Variants in ANXA6 observed in about 807,000 individuals in gnomAD.
The protein encoded by ANXA6 is 67 kDa calelectrin.
Under a neutral mutation model 95.4 loss-of-function variants are expected in ANXA6, and 71 were observed. That is an observed-to-expected ratio of 0.74 (90% CI 0.61 to 0.91). The LOEUF (loss-of-function observed/expected upper bound fraction) is 0.91. Among genes scored for constraint, ANXA6 ranks in the 40% least tolerant of loss-of-function variants. The probability of loss-of-function intolerance (pLI) is 0.00; values close to 1 mark genes in which losing one functional copy is unlikely to be tolerated. For synonymous variants in ANXA6, 289 were observed against 315.9 expected, an observed-to-expected ratio of 0.91 and a Z score of 0.90; for missense variants, 830 against 876.4, an observed-to-expected ratio of 0.95 and a Z score of 0.67.
chr5:151,101,544 C>T, intron 25 of ANXA6, 37 bp from the exon 26 acceptor site: 1 of 1,541,002 alleles, frequency 6.5e-7, no homozygotes, highest in South Asian at 1.2e-5. Flanking sequence ...TGAAAACAGT[C>T]CTTCCAGTCT....
chr5:151,147,874 G>A lies in ANXA6; in HGVS notation c.18+10C>T, dbSNP rs1488720749. The stretch of plus-strand genomic sequence containing the variant: ...CTGAGTACCACCTTCAGGAAAGAGA[G>A]GCCCCTTACCTGTGCTGGTTTGGCC... On this transcript the variant is annotated intron_variant, in intron 2 of 25. Transcript: ENST00000354546. 3.8e-6 allele frequency: 6 copies of A among 1,599,314 alleles called. No homozygotes were observed. The highest frequency in any genetic ancestry group is 5.1e-6 in the Non-Finnish European group (6 of 1,172,940).
intron 25 of ANXA6, 115 bp downstream of exon 25, chr5:151,103,455 G>T: frequency 1.1e-6 from 1 of 948,236 alleles, no homozygotes; most frequent in Non-Finnish European, 1.5e-6. Flanking sequence ...CAATATCCTG[G>T]CTGTTCTAAG....
At chr5:151,117,977 A>C in intron 18 of ANXA6, 140 bp from the exon 19 acceptor site, 1 of 653,218 alleles carries the variant, frequency 1.5e-6, no homozygotes, top group Non-Finnish European at 2.7e-6. Flanking sequence ...TAACTGGCTC[A>C]TGGGGGCATC....
chr5:151,123,038 G>A (rs373959182), intron 15 of ANXA6, 27 bp from the exon 16 acceptor site: 11 of 1,592,320 alleles, frequency 6.9e-6, no homozygotes, highest in African/African-American at 1.3e-5. Context: ...ACATGCCTCA[G>A]AAGAAGGCCT....
chr5:151,118,474 C>T (rs1301979078), intron 18 of ANXA6, among the ~76,000 whole-genome samples: 2 of 151,960 alleles, frequency 1.3e-5, no homozygotes, highest in Non-Finnish European at 1.5e-5. Context: ...CATTCTGTCT[C>T]CCAGGTTGGA....
intron 18 of ANXA6, among the ~76,000 whole-genome samples, chr5:151,118,239 C>T (rs1023283101): frequency 1.3e-5 from 2 of 151,006 alleles, no homozygotes; most frequent in Non-Finnish European, 1.5e-5. Flanking sequence ...TTTAAAGCTG[C>T]TTATAAGATA....
At chr5:151,120,300 G>A (rs1765126761) in intron 17 of ANXA6, among the ~76,000 whole-genome samples, 2 of 151,932 alleles carry the variant, frequency 1.3e-5, no homozygotes, top group African/African-American at 4.8e-5. Flanking sequence ...AGAGGAGGCA[G>A]GCAAGATTGA....
intron 17 of ANXA6, among the ~76,000 whole-genome samples, chr5:151,120,749 A>G (rs940737089): frequency 6.6e-6 from 1 of 152,116 alleles, no homozygotes; most frequent in Non-Finnish European, 1.5e-5. Flanking sequence ...AAGAGGCAAG[A>G]CATGTTCTCT....
At chr5:151,129,624 A>G in intron 11 of ANXA6, 95 bp from the exon 12 acceptor site, 2 of 1,426,288 alleles carry the variant, frequency 1.4e-6, no homozygotes, top group Non-Finnish European at 1.9e-6. Context: ...TTCATAATAA[A>G]AAGTTAAAAT....
Position 151,138,666 on chromosome 5 carries a change from C to A in ANXA6, c.318+12G>T. Reference sequence around the variant, plus strand: ...TCCCCACCCCAACACCACATACACCCCCACTTCTTACCGAGATGGCATCTT... The same window carrying A: ...TCCCCACCCCAACACCACATACACCACCACTTCTTACCGAGATGGCATCTT... On this transcript the variant is annotated intron_variant, in intron 5 of 25. Transcript: ENST00000354546. 6.3e-7 allele frequency: 1 copy of A among 1,596,706 alleles called. No homozygotes were observed. Among genetic ancestry groups the A allele is most frequent in the Non-Finnish European group, 8.6e-7 (1 of 1,164,896 alleles).
chr5:151,124,225 G>T, intron 15 of ANXA6, 61 bp downstream of exon 15: 2 of 1,493,930 alleles, frequency 1.3e-6, no homozygotes, highest in Non-Finnish European at 1.9e-6. Flanking sequence ...CCAGCCCACG[G>T]CCAAACCCAC....
chr5:151,117,471 C>T (rs114642820), intron 19 of ANXA6, among the ~76,000 whole-genome samples: 1,813 of 152,318 alleles, frequency 0.012, 14 homozygotes, highest in Middle Eastern at 0.024. Flanking sequence ...TCCCAGGTAA[C>T]AACACAGGAG....
chr5:151,128,854 C>T lies in ANXA6; in HGVS notation c.918+553G>A, dbSNP rs62379667. 3.8e-3 allele frequency among the ~76,000 whole-genome samples: 576 copies of T among 151,116 alleles called. 3 individuals are homozygous for T. The highest frequency in any genetic ancestry group is 6.8e-3 in the Middle Eastern group (2 of 294). On this transcript the variant is annotated intron_variant, in intron 12 of 25. Coordinates refer to ENST00000354546, the MANE Select transcript of ANXA6 (RefSeq NM_001155.5). ...TTCCCATAGAACATTTTGCACATAACACCTAAAAAAATTACCCTTTGGAAA... is the reference window on the plus strand; with the variant it reads ...TTCCCATAGAACATTTTGCACATAATACCTAAAAAAATTACCCTTTGGAAA...
intron 17 of ANXA6, among the ~76,000 whole-genome samples, chr5:151,121,794 G>A (rs886077424): frequency 6.6e-6 from 1 of 152,152 alleles, no homozygotes; most frequent in Non-Finnish European, 1.5e-5. Flanking sequence ...GCCTGTTGTT[G>A]GAGCTCCTAG....
In ANXA6 at chr5:151,101,087, A is replaced by C. The variant is rs1764534488; in HGVS notation, c.*361T>G. On this transcript the variant is annotated 3_prime_UTR_variant, in exon 26 of 26. Transcript: ENST00000354546. ...CCCCTGCCACCAACCCCCTCATTCAAAGTACAGACACTACTCATTTTACAG... is the reference window on the plus strand; with the variant it reads ...CCCCTGCCACCAACCCCCTCATTCACAGTACAGACACTACTCATTTTACAG... 2 of 492,874 alleles carry C rather than the reference A, an allele frequency of 4.1e-6. No homozygotes were observed. The highest frequency in any genetic ancestry group is 3.9e-5 in the African/African-American group (2 of 51,948). The allele number at this position is 492,874 out of a possible 1,614,324, so 30.5% of individuals were successfully genotyped here.
chr5:151,144,282 G>C (rs1765919647), intron 2 of ANXA6, among the ~76,000 whole-genome samples: 3 of 152,206 alleles, frequency 2.0e-5, no homozygotes, highest in Admixed American at 1.3e-4. Context: ...CATGTAACTT[G>C]CCTTGTATGT....
At chr5:151,122,057 A>G in intron 17 of ANXA6, 90 bp downstream of exon 17, 1 of 737,744 alleles carries the variant, frequency 1.4e-6, no homozygotes, top group East Asian at 3.2e-5. Context: ...TTCTACCAAG[A>G]AGTTACAGCT....
rs567378406 is a variant in ANXA6, at chr5:151,138,746, G to A, written c.250C>T (p.Arg84Trp). 1.9e-5 allele frequency: 30 copies of A among 1,613,812 alleles called. No homozygotes were observed. The highest frequency in any genetic ancestry group is 1.6e-4 in the Middle Eastern group (1 of 6,084). The change falls in exon 5 of 26, where the codon CGG (arginine) becomes TGG (tryptophan). Residue 84 changes from arginine to tryptophan, a missense_variant. Coordinates refer to ENST00000354546, the MANE Select transcript of ANXA6 (RefSeq NM_001155.5). ...GGCCTCATCAGGCCCACAATCAACC[G>A]TTCAAACTTGCCCGTCAATTCATAC... is the stretch of plus-strand genomic sequence containing the variant. Reference protein sequence around the residue: ...LKYELTGKFERLIVGLMRPPA... With the variant: ...LKYELTGKFEWLIVGLMRPPA...
Position 151,140,157 on chromosome 5 carries a change from G to T in ANXA6, c.105C>A (p.Gly35=). 6.2e-7 allele frequency: 1 copy of T among 1,613,884 alleles called. No homozygotes were observed. Among genetic ancestry groups the T allele is most frequent in the South Asian group, 1.1e-5 (1 of 91,050 alleles). ...CCCATGAAGCCTGGCACCCACCAAAGCCCTTCATGGCAGTGTACAGAGCCT... is the reference window on the plus strand; with the variant it reads ...CCCATGAAGCCTGGCACCCACCAAATCCCTTCATGGCAGTGTACAGAGCCT... ...DAEALYTAMK[G]FGSDKEAILD... The change falls in exon 3 of 26, where the codon GGC becomes GGA. Residue 35 remains glycine, a synonymous_variant. Transcript: ENST00000354546.
Sources: gnomAD v4.1 joint callset for allele counts (sites outside exome capture counted in the v4.1 genomes callset) on GRCh38, gnomAD v4.1.1 for gene constraint, MANE v1.5 for transcripts, NCBI Gene and HGNC (gene_info 2026-07-23, HGNC 2026-07-21) for gene names.